The following CDIN1 variants were observed in gnomAD, a reference collection of about 807,000 sequenced individuals.
CDIN1 encodes the protein CDAN1 interacting nuclease 1.
CDIN1 carries 33 observed loss-of-function variants against 45.3 expected under a neutral mutation model. That is an observed-to-expected ratio of 0.73 (90% CI 0.55 to 0.97). CDIN1 has a LOEUF of 0.97. Ranked by LOEUF, CDIN1 falls within the 50% of genes least tolerant of loss-of-function variation. The pLI is 0.00. For missense variants in CDIN1, 303 were observed against 339.4 expected, an observed-to-expected ratio of 0.89 and a Z score of 0.84; for synonymous variants, 118 against 124.4, an observed-to-expected ratio of 0.95 and a Z score of 0.34.
chr15:36,665,889 T>C (rs576413801), intron 5 of CDIN1, among the ~76,000 whole-genome samples: 1 of 152,310 alleles, frequency 6.6e-6, no homozygotes, highest in African/African-American at 2.4e-5. Context: ...CATTTACATA[T>C]ATTGATACAT....
intron 1 of CDIN1, among the ~76,000 whole-genome samples, chr15:36,609,991 T>C (rs576640100): frequency 5.3e-5 from 8 of 152,362 alleles, no homozygotes; most frequent in South Asian, 4.1e-4. Context: ...TGTGACCACA[T>C]GCTTTAGCTC....
chr15:36,634,179 G>A (rs1049305902), intron 1 of CDIN1, among the ~76,000 whole-genome samples: 8 of 151,964 alleles, frequency 5.3e-5, no homozygotes, highest in African/African-American at 7.2e-5. Flanking sequence ...GCCTGTAATC[G>A]CAGCACTTTG....
chr15:36,722,019 A>G (rs1297319182), intron 10 of CDIN1, among the ~76,000 whole-genome samples: 1 of 151,474 alleles, frequency 6.6e-6, no homozygotes, highest in Admixed American at 6.6e-5. Context: ...ACTGTTCTTC[A>G]TTGCTTGATG....
chr15:36,656,107 T>C (rs1411068361), intron 4 of CDIN1, among the ~76,000 whole-genome samples: 4 of 152,168 alleles, frequency 2.6e-5, no homozygotes, highest in Non-Finnish European at 4.4e-5. Context: ...TGATAATGCA[T>C]TAGGGAAATT....
intron 4 of CDIN1, among the ~76,000 whole-genome samples, chr15:36,655,235 G>A (rs1169768379): frequency 6.6e-6 from 1 of 151,842 alleles, no homozygotes; most frequent in Non-Finnish European, 1.5e-5. Flanking sequence ...TTAACATATA[G>A]AATGAATTTC....
intron 10 of CDIN1, among the ~76,000 whole-genome samples, chr15:36,738,781 A>G (rs756377527): frequency 6.6e-6 from 1 of 152,170 alleles, no homozygotes; most frequent in African/African-American, 2.4e-5. Flanking sequence ...AAAATGATCT[A>G]TAATATCCCT....
At chr15:36,723,855 G>A (rs985051612) in intron 10 of CDIN1, among the ~76,000 whole-genome samples, 3 of 152,202 alleles carry the variant, frequency 2.0e-5, no homozygotes, top group African/African-American at 7.2e-5. Flanking sequence ...ATATATTTCA[G>A]CGCATACAAA....
intron 1 of CDIN1, among the ~76,000 whole-genome samples, chr15:36,614,543 C>G (rs2038796148): frequency 6.6e-6 from 1 of 152,074 alleles, no homozygotes; most frequent in South Asian, 2.1e-4. Flanking sequence ...CAAATAATTC[C>G]ACAGCCCTGA....
chr15:36,607,445 G>C (rs1376781409), intron 1 of CDIN1, among the ~76,000 whole-genome samples: 3 of 152,102 alleles, frequency 2.0e-5, no homozygotes, highest in Non-Finnish European at 4.4e-5. Flanking sequence ...CATGCCTTAA[G>C]TTTTCTGATA....
intron 5 of CDIN1, among the ~76,000 whole-genome samples, chr15:36,666,776 A>C (rs1220116229): frequency 6.6e-6 from 1 of 152,176 alleles, no homozygotes; most frequent in African/African-American, 2.4e-5. Context: ...ATGAGCTGTC[A>C]GTTTTAATGC....
At chr15:36,760,833 A>G (rs962261449) in intron 10 of CDIN1, among the ~76,000 whole-genome samples, 2 of 152,204 alleles carry the variant, frequency 1.3e-5, no homozygotes, top group Non-Finnish European at 2.9e-5. Flanking sequence ...CAAAGGGATC[A>G]CAGAGTTTTA....
chr15:36,600,743 A>C (rs1299344105), intron 1 of CDIN1, among the ~76,000 whole-genome samples: 2 of 152,224 alleles, frequency 1.3e-5, no homozygotes. Flanking sequence ...TGTCAAAGAC[A>C]TAAATTCTGG....
At chr15:36,663,480 C>A (rs981438051) in intron 5 of CDIN1, among the ~76,000 whole-genome samples, 6 of 152,108 alleles carry the variant, frequency 3.9e-5, no homozygotes, top group African/African-American at 1.4e-4. Context: ...GTAATTGAAT[C>A]ATGGGGGGCG....
chr15:36,639,466 G>A lies in CDIN1; in HGVS notation c.102-4812G>A, dbSNP rs534352394. Among the ~76,000 whole-genome samples the A allele has an allele frequency of 7.2e-5, 11 of 152,212 alleles. No individual in the cohort carries two copies. In the South Asian group the frequency reaches 2.1e-3, roughly 29 times the overall value. ...CTAAAAATACAAAAATTAGCCGGGC[G>A]TGGTGGCAGCTATTCTGGAGGCTGA... On this transcript the variant is annotated intron_variant, in intron 1 of 10. Transcript: ENST00000566621.
At chr15:36,787,032 C>T (rs1278430508) in intron 10 of CDIN1, among the ~76,000 whole-genome samples, 1 of 152,220 alleles carries the variant, frequency 6.6e-6, no homozygotes, top group Non-Finnish European at 1.5e-5. Context: ...GGTCTCCTTA[C>T]TCCTCCAACA....
At chr15:36,600,288 G>A (rs1448548365) in intron 1 of CDIN1, among the ~76,000 whole-genome samples, 1 of 152,190 alleles carries the variant, frequency 6.6e-6, no homozygotes, top group Non-Finnish European at 1.5e-5. Context: ...AGGAACAAGG[G>A]AGAAAAGGGG....
At chr15:36,650,405 TA>T (rs34726399) in intron 3 of CDIN1, among the ~76,000 whole-genome samples, 337 of 1,582 alleles carry the variant, frequency 0.21, 3 homozygotes, top group African/African-American at 0.36. Context: ...AGAAAATTTT[TA>T]TTTATTTATT....
At chr15:36,651,815 C>T (rs10220874) in intron 3 of CDIN1, among the ~76,000 whole-genome samples, 67,117 of 151,946 alleles carry the variant, frequency 0.44, 15,156 homozygotes, top group East Asian at 0.65. Flanking sequence ...GGAATTTCCA[C>T]AGTATTAAGT....
intron 1 of CDIN1, among the ~76,000 whole-genome samples, chr15:36,587,691 G>A (rs12101796): frequency 0.43 from 65,669 of 151,882 alleles, 14,677 homozygotes; most frequent in East Asian, 0.55. Context: ...AGGGAGTCTC[G>A]TATTCCATTC....
Sources: allele counts gnomAD v4.1 joint callset (sites outside exome capture counted in the v4.1 genomes callset), GRCh38; gene constraint gnomAD v4.1.1; transcripts MANE v1.5; gene names NCBI Gene and HGNC (gene_info 2026-07-23, HGNC 2026-07-21).